Variants in ATXN7L1 observed in about 807,000 individuals in gnomAD.
The protein encoded by ATXN7L1 is ataxin-7-like protein 1.
ATXN7L1 carries 15 observed loss-of-function variants against 70.8 expected under a neutral mutation model. The observed-to-expected ratio is 0.21, with a 90% CI of 0.14 to 0.33. The LOEUF (loss-of-function observed/expected upper bound fraction) is 0.33. Among genes scored for constraint, ATXN7L1 ranks in the 10% least tolerant of loss-of-function variants. ATXN7L1 has a pLI of 1.00. For synonymous variants in ATXN7L1, 440 were observed against 445.1 expected, an observed-to-expected ratio of 0.99 and a Z score of 0.14; for missense variants, 975 against 1,097.1, an observed-to-expected ratio of 0.89 and a Z score of 1.57.
At chr7:105,749,601 G>A (rs1242658684) in intron 3 of ATXN7L1, among the ~76,000 whole-genome samples, 1 of 149,944 alleles carries the variant, frequency 6.7e-6, no homozygotes, top group African/African-American at 2.4e-5. Flanking sequence ...TCCAGCCTGG[G>A]CAACAGAGTG....
intron 3 of ATXN7L1, among the ~76,000 whole-genome samples, chr7:105,719,072 A>G (rs1350201219): frequency 2.6e-5 from 4 of 152,230 alleles, no homozygotes; most frequent in African/African-American, 9.6e-5. Context: ...CCAGCCTCAC[A>G]GACTGTACCT....
intron 3 of ATXN7L1, among the ~76,000 whole-genome samples, chr7:105,775,367 G>C (rs917396545): frequency 1.3e-5 from 2 of 152,214 alleles, no homozygotes; most frequent in Non-Finnish European, 2.9e-5. Flanking sequence ...AGCACTGCGG[G>C]TTTAGAAAAG....
intron 3 of ATXN7L1, among the ~76,000 whole-genome samples, chr7:105,689,866 T>C (rs1790528820): frequency 3.3e-5 from 5 of 152,242 alleles, no homozygotes; most frequent in Admixed American, 3.3e-4. Context: ...CTTTTCCTAC[T>C]AGGACCAAAG....
chr7:105,869,378 A>C (rs531059465), intron 2 of ATXN7L1, among the ~76,000 whole-genome samples: 117 of 152,296 alleles, frequency 7.7e-4, no homozygotes, highest in African/African-American at 2.6e-3. Context: ...AACATAGATA[A>C]CAGAGTTGTC....
chr7:105,711,512 G>T (rs901142834), intron 3 of ATXN7L1, among the ~76,000 whole-genome samples: 1 of 152,232 alleles, frequency 6.6e-6, no homozygotes, highest in Admixed American at 6.5e-5. Context: ...CTAAATGGGA[G>T]AAATTGGCCA....
intron 3 of ATXN7L1, among the ~76,000 whole-genome samples, chr7:105,699,028 G>A (rs1449645267): frequency 6.6e-6 from 1 of 152,170 alleles, no homozygotes; most frequent in East Asian, 1.9e-4. Flanking sequence ...AAGTTAGGGA[G>A]AAGGCAGAAA....
chr7:105,700,065 G>C (rs1040468013), intron 3 of ATXN7L1, among the ~76,000 whole-genome samples: 5 of 152,192 alleles, frequency 3.3e-5, no homozygotes, highest in Admixed American at 1.3e-4. Context: ...TGAGCTCCTG[G>C]CTGGGTTCCC....
At chr7:105,609,083 A>G (rs1250696767) in intron 11 of ATXN7L1, among the ~76,000 whole-genome samples, 1 of 152,206 alleles carries the variant, frequency 6.6e-6, no homozygotes, top group Non-Finnish European at 1.5e-5. Flanking sequence ...TACTGCTGCC[A>G]TGAAACTGCA....
At chr7:105,795,763 A>C (rs997631616) in intron 2 of ATXN7L1, among the ~76,000 whole-genome samples, 1 of 152,218 alleles carries the variant, frequency 6.6e-6, no homozygotes, top group Non-Finnish European at 1.5e-5. Context: ...CCACGGTCGG[A>C]AAAAAGAAGA....
chr7:105,827,536 G>T (rs1785052055), intron 2 of ATXN7L1, among the ~76,000 whole-genome samples: 1 of 152,166 alleles, frequency 6.6e-6, no homozygotes, highest in South Asian at 2.1e-4. Flanking sequence ...TCAACCAAAT[G>T]AGGTTGAAAA....
intron 3 of ATXN7L1, among the ~76,000 whole-genome samples, chr7:105,683,928 T>C (rs1249649754): frequency 6.6e-6 from 1 of 152,124 alleles, no homozygotes; most frequent in African/African-American, 2.4e-5. Context: ...ACTAACAGAC[T>C]CTCAACAGGC....
chr7:105,638,544 T>A lies in ATXN7L1; in HGVS notation c.1011A>T (p.Ala337=). 6.4e-7 allele frequency: 1 copy of A among 1,552,212 alleles called. No individual in the cohort carries two copies. Among genetic ancestry groups the A allele is most frequent in the Non-Finnish European group, 8.7e-7 (1 of 1,147,098 alleles). Reference sequence around the variant, plus strand: ...TTTCCCGGGACTTTGCTTTGTGTTCTGCCAGGAGGAGGTCAAATTGCTTTT... The same window carrying A: ...TTTCCCGGGACTTTGCTTTGTGTTCAGCCAGGAGGAGGTCAAATTGCTTTT... ...GRKKQFDLLL[A]EHKAKSREKE... is the part of the protein sequence containing the mutation. The change falls in exon 7 of 12, where the codon GCA becomes GCT. Residue 337 remains alanine, a synonymous_variant. Transcript: ENST00000419735.
At chr7:105,854,943 T>C (rs1815488718) in intron 2 of ATXN7L1, among the ~76,000 whole-genome samples, 1 of 147,008 alleles carries the variant, frequency 6.8e-6, no homozygotes, top group African/African-American at 2.5e-5. Flanking sequence ...GGGAACTTTC[T>C]CTTTTCTTCT....
At chr7:105,810,175 T>C (rs930359350) in intron 2 of ATXN7L1, among the ~76,000 whole-genome samples, 14 of 152,308 alleles carry the variant, frequency 9.2e-5, no homozygotes, top group African/African-American at 3.4e-4. Context: ...CTGAGGAAGA[T>C]GGCAAAAGAT....
chr7:105,826,927 G>A (rs746554697), intron 2 of ATXN7L1, among the ~76,000 whole-genome samples: 2 of 152,196 alleles, frequency 1.3e-5, no homozygotes, highest in East Asian at 3.8e-4. Context: ...TTGGGATATA[G>A]AAGGAAGAGC....
chr7:105,701,419 G>GA (rs1312360989), intron 3 of ATXN7L1, among the ~76,000 whole-genome samples: 4 of 152,070 alleles, frequency 2.6e-5, no homozygotes, highest in Non-Finnish European at 4.4e-5. Flanking sequence ...CATACACATA[G>GA]AAAAAAGATT....
At position 105,604,908 on chromosome 7, in the gene ATXN7L1, T is replaced by C. The variant is rs936067420; in HGVS notation, c.*2944A>G. ...TAAATAGAAAATTTCTTTTTTTCCT[T>C]TTTTAAAACAAGAGTTCACTGAGAA... On this transcript the variant is annotated 3_prime_UTR_variant, in exon 12 of 12. Transcript: ENST00000419735. Among the ~76,000 whole-genome samples, 2 of 152,170 alleles carry C rather than the reference T, an allele frequency of 1.3e-5. No individual in the cohort carries two copies. The highest frequency in any genetic ancestry group is 4.8e-5 in the African/African-American group (2 of 41,442).
At chr7:105,799,191 G>A (rs1048429985) in intron 2 of ATXN7L1, among the ~76,000 whole-genome samples, 2 of 152,226 alleles carry the variant, frequency 1.3e-5, no homozygotes, top group African/African-American at 4.8e-5. Flanking sequence ...TGTGACATTT[G>A]TAAAGGCACA....
intron 2 of ATXN7L1, among the ~76,000 whole-genome samples, chr7:105,803,363 C>T (rs1585042656): frequency 6.6e-6 from 1 of 152,246 alleles, no homozygotes; most frequent in Non-Finnish European, 1.5e-5. Flanking sequence ...GCTGGGACCC[C>T]ATGAGTCAGT....
Sources: allele counts gnomAD v4.1 joint callset (sites outside exome capture counted in the v4.1 genomes callset), GRCh38; gene constraint gnomAD v4.1.1; transcripts MANE v1.5; gene names NCBI Gene and HGNC (gene_info 2026-07-23, HGNC 2026-07-21).